Variants in RABGAP1L observed in about 807,000 individuals in gnomAD.
RABGAP1L encodes the protein rab GTPase-activating protein 1-like.
Under a neutral mutation model 137.7 loss-of-function variants are expected in RABGAP1L, and 63 were observed. The ratio of observed to expected loss-of-function variants is 0.46; its 90% CI spans 0.37 to 0.56. The LOEUF (loss-of-function observed/expected upper bound fraction) is 0.56, where lower values mean the gene tolerates loss of function less well. RABGAP1L is among the 20% of genes least tolerant of loss of function. The probability of loss-of-function intolerance (pLI) is 0.00; values close to 1 mark genes in which losing one functional copy is unlikely to be tolerated. For synonymous variants in RABGAP1L, 431 were observed against 433.7 expected (o/e 0.99, Z 0.08); for missense variants, 1,095 against 1,244.0 (o/e 0.88, Z 1.80).
chr1:174,735,294 C>A (rs980443953), intron 17 of RABGAP1L, among the ~76,000 whole-genome samples: 5 of 149,356 alleles, frequency 3.3e-5, no homozygotes, highest in Admixed American at 3.3e-4. Context: ...TTTTTATAAT[C>A]CTTCTCATTC....
chr1:174,529,453 G>C (rs986124735), intron 13 of RABGAP1L, among the ~76,000 whole-genome samples: 2 of 152,166 alleles, frequency 1.3e-5, no homozygotes, highest in African/African-American at 4.8e-5. Flanking sequence ...TTAGGGTGTA[G>C]TTATTAGTGG....
chr1:174,681,376 G>T (rs1041001549), intron 14 of RABGAP1L, among the ~76,000 whole-genome samples: 2 of 152,140 alleles, frequency 1.3e-5, no homozygotes, highest in African/African-American at 4.8e-5. Context: ...GAAAAGGAAT[G>T]AACTACCGAT....
At chr1:174,677,906 T>C (rs1044066001) in intron 14 of RABGAP1L, among the ~76,000 whole-genome samples, 1 of 150,852 alleles carries the variant, frequency 6.6e-6, no homozygotes, top group Non-Finnish European at 1.5e-5. Context: ...AAATAAATAA[T>C]AAAGAACAGA....
intron 13 of RABGAP1L, among the ~76,000 whole-genome samples, chr1:174,404,191 A>T (rs765409060): frequency 6.6e-6 from 1 of 152,210 alleles, no homozygotes; most frequent in Non-Finnish European, 1.5e-5. Flanking sequence ...TCAAATGTGT[A>T]GAATACAGAA....
At chr1:174,546,114 T>C (rs1228786953) in intron 13 of RABGAP1L, among the ~76,000 whole-genome samples, 1 of 152,160 alleles carries the variant, frequency 6.6e-6, no homozygotes, top group Non-Finnish European at 1.5e-5. Flanking sequence ...TTGAATTTGA[T>C]ATTCTGGTAG....
chr1:174,349,421 C>T (rs1377830259), intron 11 of RABGAP1L, among the ~76,000 whole-genome samples: 19 of 136,906 alleles, frequency 1.4e-4, no homozygotes, highest in Admixed American at 1.2e-3. Flanking sequence ...ACCCCCCCAC[C>T]TCCCTCCCGG....
intron 9 of RABGAP1L, among the ~76,000 whole-genome samples, chr1:174,276,697 A>G (rs1464582514): frequency 6.6e-6 from 1 of 152,042 alleles, no homozygotes; most frequent in African/African-American, 2.4e-5. Flanking sequence ...TATATTAAAT[A>G]TTTCAGTTGT....
intron 18 of RABGAP1L, among the ~76,000 whole-genome samples, chr1:174,784,119 A>C (rs1687269972): frequency 7.3e-6 from 1 of 137,236 alleles, no homozygotes; most frequent in Non-Finnish European, 1.5e-5. Flanking sequence ...TCCCGGGTTC[A>C]GGCCATTCTC....
At position 174,221,080 on chromosome 1, in the gene RABGAP1L, A is replaced by T. The variant is rs2148469634; in HGVS notation, c.247A>T (p.Ile83Phe). Residue 83 changes from isoleucine to phenylalanine, a missense_variant, in exon 3 of 26, where the codon ATT becomes TTT. Around this residue, in one of 4 missense-constraint regions of RABGAP1L, gnomAD observed 356 missense variants for 326.3 expected, o/e 1.09. Coordinates refer to ENST00000681986, the MANE Select transcript of RABGAP1L (RefSeq NM_001366446.1). Reference protein sequence around the residue: ...LLVDCQSSSEISDHSFGDIPA... With the variant: ...LLVDCQSSSEFSDHSFGDIPA... ...TGTTGATTGTCAAAGTTCCAGTGAG[A>T]TTTCAGACCATTCGTTTGGAGATAT... The T allele has an allele frequency of 6.2e-7, 1 of 1,613,962 alleles. No homozygotes were observed. Among genetic ancestry groups the T allele is most frequent in the East Asian group, 2.2e-5 (1 of 44,842 alleles).
At chr1:174,306,112 G>A (rs1197857749) in intron 11 of RABGAP1L, among the ~76,000 whole-genome samples, 1 of 152,180 alleles carries the variant, frequency 6.6e-6, no homozygotes, top group Non-Finnish European at 1.5e-5. Flanking sequence ...TTTTATGGCT[G>A]CATAGTATTC....
intron 13 of RABGAP1L, among the ~76,000 whole-genome samples, chr1:174,436,376 G>A (rs1305128676): frequency 6.6e-6 from 1 of 152,092 alleles, no homozygotes; most frequent in African/African-American, 2.4e-5. Context: ...ATCTCATTGT[G>A]GTTTTGATTT....
At chr1:174,463,872 G>T (rs1009259871) in intron 13 of RABGAP1L, among the ~76,000 whole-genome samples, 2 of 151,946 alleles carry the variant, frequency 1.3e-5, no homozygotes, top group Non-Finnish European at 2.9e-5. Context: ...CTTATATACT[G>T]TAAGTGCTTA....
chr1:174,589,476 G>C (rs1669383422), intron 13 of RABGAP1L, among the ~76,000 whole-genome samples: 1 of 152,050 alleles, frequency 6.6e-6, no homozygotes, highest in Admixed American at 6.6e-5. Flanking sequence ...GATCTCATTT[G>C]TCCATTTTTT....
At chr1:174,607,484 G>A (rs1670875705) in intron 13 of RABGAP1L, among the ~76,000 whole-genome samples, 1 of 152,074 alleles carries the variant, frequency 6.6e-6, no homozygotes. Context: ...TTCCTCTGGT[G>A]GCAAAAGCAG....
chr1:174,454,636 G>A (rs768294934), intron 13 of RABGAP1L, among the ~76,000 whole-genome samples: 2 of 148,030 alleles, frequency 1.4e-5, no homozygotes, highest in Non-Finnish European at 1.5e-5. Flanking sequence ...CTGCAAGCTC[G>A]CCTCCCGGGT....
At chr1:174,985,156 C>T (rs906601619) in intron 24 of RABGAP1L, among the ~76,000 whole-genome samples, 3 of 152,150 alleles carry the variant, frequency 2.0e-5, no homozygotes, top group South Asian at 2.1e-4. Flanking sequence ...CTGAGGTGGG[C>T]GGATCACTTG....
intron 19 of RABGAP1L, chr1:174,874,523 A>G (rs1652754072): frequency 2.0e-6 from 2 of 981,490 alleles, no homozygotes; most frequent in Admixed American, 1.2e-4. Context: ...TTTAGCTTCA[A>G]ATGGTATTGT....
chr1:174,359,079 C>T (rs1280959358), intron 11 of RABGAP1L, among the ~76,000 whole-genome samples: 1 of 152,072 alleles, frequency 6.6e-6, no homozygotes, highest in African/African-American at 2.4e-5. Flanking sequence ...ATTTGTCCTC[C>T]CTATTTTTTT....
chr1:174,289,184 T>C (rs1315182811), intron 10 of RABGAP1L, among the ~76,000 whole-genome samples: 1 of 152,040 alleles, frequency 6.6e-6, no homozygotes, highest in African/African-American at 2.4e-5. Flanking sequence ...AAAACAGGCA[T>C]GGGCCACCAC....
Sources: allele counts gnomAD v4.1 joint callset (sites outside exome capture counted in the v4.1 genomes callset), GRCh38; gene constraint gnomAD v4.1.1; regional missense constraint gnomAD v4.1.1; transcripts MANE v1.5; gene names NCBI Gene and HGNC (gene_info 2026-07-23, HGNC 2026-07-21).